PREX2: variants seen among roughly 807,000 people sequenced by gnomAD.
The protein encoded by PREX2 is phosphatidylinositol 3,4,5-trisphosphate-dependent Rac exchanger 2 protein.
Under a neutral mutation model 203.2 loss-of-function variants are expected in PREX2, and 107 were observed. The observed-to-expected ratio is 0.53, with a 90% CI of 0.45 to 0.62. The LOEUF (loss-of-function observed/expected upper bound fraction) is 0.62. PREX2 is among the 20% of genes least tolerant of loss of function. The pLI, the probability that PREX2 is intolerant of heterozygous loss-of-function variation, is 0.00. For synonymous variants in PREX2, 672 were observed against 663.6 expected, an observed-to-expected ratio of 1.01 and a Z score of -0.19; for missense variants, 1,777 against 1,955.9, an observed-to-expected ratio of 0.91 and a Z score of 1.72.
chr8:68,112,933 T>G (rs1810563222), intron 25 of PREX2, among the ~76,000 whole-genome samples: 1 of 152,220 alleles, frequency 6.6e-6, no homozygotes, highest in Non-Finnish European at 1.5e-5. Flanking sequence ...TGATGATGTT[T>G]AAAAACACAC....
At chr8:68,021,372 A>T (rs192184749) in intron 3 of PREX2, among the ~76,000 whole-genome samples, 3 of 152,248 alleles carry the variant, frequency 2.0e-5, no homozygotes, top group African/African-American at 2.4e-5. Context: ...TGATTTCCTG[A>T]CTTTTCTATA....
At chr8:68,072,612 G>A in intron 14 of PREX2, 42 bp downstream of exon 14, 1 of 1,079,376 alleles carries the variant, frequency 9.3e-7, no homozygotes, top group Non-Finnish European at 1.4e-6. Context: ...ACTTGCTGCT[G>A]CTTTAAACTC....
chr8:68,053,622 T>C (rs1389009049), intron 9 of PREX2, among the ~76,000 whole-genome samples: 1 of 152,212 alleles, frequency 6.6e-6, no homozygotes, highest in Non-Finnish European at 1.5e-5. Flanking sequence ...AATTTTTCTT[T>C]AAGTGACAAG....
At chr8:68,083,108 TA>T in intron 17 of PREX2, 131 bp from the exon 18 acceptor site, 1 of 594,990 alleles carries the variant, frequency 1.7e-6, no homozygotes, top group Non-Finnish European at 2.9e-6. Flanking sequence ...TGAATTTGTA[TA>T]AAAACACGGC....
At chr8:67,999,563 C>T (rs1221495261) in intron 1 of PREX2, among the ~76,000 whole-genome samples, 2 of 149,686 alleles carry the variant, frequency 1.3e-5, no homozygotes, top group Admixed American at 6.7e-5. Context: ...TAGCATTCTA[C>T]TGAAACTATT....
intron 1 of PREX2, among the ~76,000 whole-genome samples, chr8:67,965,585 A>C (rs1471528377): frequency 6.6e-6 from 1 of 152,100 alleles, no homozygotes; most frequent in Non-Finnish European, 1.5e-5. Context: ...GTCTGCATTC[A>C]GTGGATGTTC....
intron 6 of PREX2, among the ~76,000 whole-genome samples, chr8:68,035,611 A>G (rs916022823): frequency 3.9e-5 from 6 of 152,150 alleles, no homozygotes; most frequent in Non-Finnish European, 7.4e-5. Context: ...ATGCAGTATA[A>G]AGGAAAATGC....
chr8:68,077,978 G>T (rs1386146633), intron 15 of PREX2, among the ~76,000 whole-genome samples: 1 of 151,560 alleles, frequency 6.6e-6, no homozygotes, highest in East Asian at 1.9e-4. Flanking sequence ...TTTTTTTCTT[G>T]TCTGATGATT....
chr8:67,960,183 A>G (rs1805596533), intron 1 of PREX2, among the ~76,000 whole-genome samples: 1 of 152,120 alleles, frequency 6.6e-6, no homozygotes, highest in South Asian at 2.1e-4. Flanking sequence ...CTGGGACTAC[A>G]GGCACATGCC....
Position 68,087,579 on chromosome 8 carries a change from G to C in PREX2, c.2028-145G>C, listed in dbSNP as rs77038797. On this transcript the variant is annotated intron_variant, in intron 18 of 39. Coordinates refer to ENST00000288368, the MANE Select transcript of PREX2 (RefSeq NM_024870.4). The stretch of plus-strand genomic sequence containing the variant: ...TTGCATGAGGTTGGGGACCATGTTC[G>C]TCTCCAAGGATTTCTAGCCCAACAT... 3.9e-3 allele frequency: 2,654 copies of C among 673,764 alleles called. 56 individuals carry two copies. In the African/African-American group the frequency reaches 0.043, roughly 11 times the overall value. The allele number at this position is 673,764 out of a possible 1,614,324, so 41.7% of individuals were successfully genotyped here.
chr8:68,134,391 G>T (rs773826565), intron 32 of PREX2, 115 bp downstream of exon 32: 2 of 746,782 alleles, frequency 2.7e-6, no homozygotes, highest in Non-Finnish European at 2.2e-6. Context: ...GAATGTGCGT[G>T]CATTCAGCTA....
chr8:68,045,631 C>G (rs1808328347), intron 8 of PREX2, among the ~76,000 whole-genome samples: 2 of 152,064 alleles, frequency 1.3e-5, no homozygotes, highest in South Asian at 4.1e-4. Flanking sequence ...CAGGTGGTGC[C>G]TGAGACTGAG....
intron 15 of PREX2, 121 bp from the exon 16 acceptor site, chr8:68,080,322 G>T (rs1809475081): frequency 1.2e-6 from 1 of 804,106 alleles, no homozygotes; most frequent in Admixed American, 2.7e-5. Context: ...AATGTAACTA[G>T]TCCTAGGAGT....
chr8:68,105,174 C>G (rs771838317), intron 23 of PREX2: 1 of 1,367,588 alleles, frequency 7.3e-7, no homozygotes, highest in East Asian at 4.6e-5. Flanking sequence ...TTTCACAGCA[C>G]GGCATGCTGT....
At position 68,235,098 on chromosome 8, in the gene PREX2, C is replaced by T. The variant is rs1813242387; in HGVS notation, c.*3720C>T. 1 of 152,076 alleles carries T rather than the reference C, an allele frequency of 6.6e-6. No individual in the cohort carries two copies. The highest frequency in any genetic ancestry group is 1.5e-5 in the Non-Finnish European group (1 of 67,996). The allele number at this position is 152,076 out of a possible 1,614,324, so 9.4% of individuals were successfully genotyped here. A position where few individuals can be genotyped will look rare whatever the true frequency, so the allele number is the denominator to read the frequency against. On this transcript the variant is annotated 3_prime_UTR_variant, in exon 40 of 40. Transcript: ENST00000288368. ...GAGTAAATGACTCTGTGTTTTGAAA[C>T]TAATACCTTTGCATTTAAAATACTG...
At chr8:68,106,438 T>C in intron 23 of PREX2, 1 of 443,712 alleles carries the variant, frequency 2.3e-6, no homozygotes, top group South Asian at 1.7e-5. Flanking sequence ...CACTATCCAT[T>C]ATTATTAAAT....
chr8:67,967,851 T>G (rs1390276379), intron 1 of PREX2, among the ~76,000 whole-genome samples: 1 of 152,122 alleles, frequency 6.6e-6, no homozygotes, highest in East Asian at 1.9e-4. Flanking sequence ...AAACACCACA[T>G]GTTCTCACTC....
intron 26 of PREX2, among the ~76,000 whole-genome samples, chr8:68,117,395 AATT>A (rs1810679504): frequency 6.6e-6 from 1 of 152,230 alleles, no homozygotes; most frequent in African/African-American, 2.4e-5. Context: ...AACACATAAG[AATT>A]ATTCTAGAGA....
chr8:68,149,949 A>T (rs186886114), intron 34 of PREX2, among the ~76,000 whole-genome samples: 145 of 152,332 alleles, frequency 9.5e-4, no homozygotes, highest in African/African-American at 3.4e-3. Context: ...TGGGGAGCTG[A>T]AGCAAAGGGT....
Sources: allele counts gnomAD v4.1 joint callset (sites outside exome capture counted in the v4.1 genomes callset), GRCh38; gene constraint gnomAD v4.1.1; transcripts MANE v1.5; gene names NCBI Gene and HGNC (gene_info 2026-07-23, HGNC 2026-07-21).